Variants in KDM5A observed in about 807,000 individuals in gnomAD.
The protein encoded by KDM5A is lysine-specific demethylase 5A.
KDM5A carries 42 observed loss-of-function variants against 193.5 expected under a neutral mutation model. The ratio of observed to expected loss-of-function variants is 0.22; its 90% confidence interval spans 0.17 to 0.28. The LOEUF is 0.28. Among genes scored for constraint, KDM5A ranks in the 10% least tolerant of loss-of-function variants. The probability of loss-of-function intolerance (pLI) is 1.00; values close to 1 mark genes in which losing one functional copy is unlikely to be tolerated. For synonymous variants in KDM5A, 796 were observed against 718.1 expected (o/e 1.11, Z -1.73); for missense variants, 1,692 against 2,055.1 (o/e 0.82, Z 3.42).
chr12:333,421 A>C, intron 12 of KDM5A, 66 bp downstream of exon 12: 1 of 1,588,902 alleles, frequency 6.3e-7, no homozygotes, highest in African/African-American at 1.3e-5. Flanking sequence ...CCTGTTTCAA[A>C]AAAAAAGAAA....
chr12:369,876 A>G (rs145647202), intron 3 of KDM5A, among the ~76,000 whole-genome samples: 245 of 152,292 alleles, frequency 1.6e-3, no homozygotes, highest in African/African-American at 5.8e-3. Flanking sequence ...ATTAGTTATG[A>G]TACACCTGCA....
At chr12:304,021 C>G (rs1943475222) in intron 24 of KDM5A, among the ~76,000 whole-genome samples, 1 of 152,152 alleles carries the variant, frequency 6.6e-6, no homozygotes, top group Admixed American at 6.5e-5. Flanking sequence ...TGGTACTGCC[C>G]ATTAATCTCA....
chr12:334,169 CA>C, intron 11 of KDM5A, 71 bp downstream of exon 11: 1 of 1,374,888 alleles, frequency 7.3e-7, no homozygotes, highest in Non-Finnish European at 1.0e-6. Flanking sequence ...CCTTAAAGAT[CA>C]AAAACCTAGC....
chr12:388,922 G>C lies in KDM5A; in HGVS notation c.165+5C>G, dbSNP rs117819701. The C allele has an allele frequency of 1.9e-5, 31 of 1,614,074 alleles. No homozygotes were observed. The highest frequency in any genetic ancestry group is 2.7e-5 in the African/African-American group (2 of 74,926). On this transcript the variant is annotated splice_donor_5th_base_variant and intron_variant, in intron 1 of 27. Transcript: ENST00000399788. ...CTCCCCCTCTCTCTTCACAGACTGAGGTACCTTGGGCGGCCGAATTTTGCA... is the reference window on the plus strand; with the variant it reads ...CTCCCCCTCTCTCTTCACAGACTGACGTACCTTGGGCGGCCGAATTTTGCA...
At chr12:335,656 T>C (rs989650288) in intron 10 of KDM5A, among the ~76,000 whole-genome samples, 4 of 152,126 alleles carry the variant, frequency 2.6e-5, no homozygotes, top group African/African-American at 9.7e-5. Flanking sequence ...ATGACAAAGC[T>C]AAAGAGAATT....
intron 2 of KDM5A, among the ~76,000 whole-genome samples, chr12:385,138 G>A (rs182747164): frequency 2.7e-5 from 4 of 146,288 alleles, no homozygotes; most frequent in East Asian, 2.0e-4. Context: ...AGCCGAGATC[G>A]CACCACTGCA....
chr12:375,636 C>T (rs979303358), intron 3 of KDM5A, among the ~76,000 whole-genome samples: 18 of 152,142 alleles, frequency 1.2e-4, no homozygotes, highest in African/African-American at 2.4e-4. Flanking sequence ...GTTCCTTTGG[C>T]GGGGGAGAGG....
In KDM5A at chr12:285,421, A is replaced by G. The variant is rs1225553109; in HGVS notation, c.*35T>C. On this transcript the variant is annotated 3_prime_UTR_variant, in exon 28 of 28. Coordinates refer to ENST00000399788, the MANE Select transcript of KDM5A (RefSeq NM_001042603.3). The stretch of plus-strand genomic sequence containing the variant: ...GATGACTAAGGTCTCAATGTGGTCC[A>G]TGTCCCCCCATGTCCCAAACTAACC... 4 of 1,569,482 alleles carry G rather than the reference A, an allele frequency of 2.5e-6. No homozygotes were observed. The highest frequency in any genetic ancestry group is 8.8e-7 in the Non-Finnish European group (1 of 1,139,580).
intron 27 of KDM5A, among the ~76,000 whole-genome samples, chr12:285,910 G>A (rs1452658406): frequency 2.0e-5 from 3 of 152,122 alleles, no homozygotes; most frequent in Non-Finnish European, 4.4e-5. Flanking sequence ...GAATACCTGG[G>A]GCTCCTTGTG....
intron 10 of KDM5A, among the ~76,000 whole-genome samples, chr12:344,948 C>T (rs1944051399): frequency 6.6e-6 from 1 of 151,998 alleles, no homozygotes; most frequent in African/African-American, 2.4e-5. Flanking sequence ...GGCTAAATGC[C>T]CCAATTAAAA....
chr12:299,977 G>T (rs561616470), intron 24 of KDM5A, among the ~76,000 whole-genome samples: 46 of 148,308 alleles, frequency 3.1e-4, no homozygotes, highest in African/African-American at 1.1e-3. Flanking sequence ...AATGCAACAA[G>T]AAGAGCTAAC....
intron 24 of KDM5A, among the ~76,000 whole-genome samples, chr12:301,017 G>A (rs1341665454): frequency 2.0e-5 from 3 of 152,080 alleles, no homozygotes; most frequent in African/African-American, 7.2e-5. Flanking sequence ...ATCAAGTTCT[G>A]AAACTGAGGC....
chr12:332,878 TAAC>T lies in KDM5A; in HGVS notation c.1653+606_1653+608del, dbSNP rs541751592. Reference sequence around the variant, plus strand: ...TACCTGTGCTTTGGTTAAATAGAGATAACAAAGAATATGAGATTTTTGTTCAAA... The same window carrying T: ...TACCTGTGCTTTGGTTAAATAGAGATAAAGAATATGAGATTTTTGTTCAAA... On this transcript the variant is annotated intron_variant, in intron 12 of 27. Coordinates refer to ENST00000399788, the MANE Select transcript of KDM5A (RefSeq NM_001042603.3). Among the ~76,000 whole-genome samples, 9 of 152,170 alleles carry T rather than the reference TAAC, an allele frequency of 5.9e-5. No individual in the cohort carries two copies. The South Asian group carries it at 1.5e-3, about 25-fold the overall frequency.
chr12:368,177 A>G (rs577442337), intron 3 of KDM5A, among the ~76,000 whole-genome samples: 2 of 152,372 alleles, frequency 1.3e-5, no homozygotes, highest in African/African-American at 4.8e-5. Flanking sequence ...TGACTACTGC[A>G]TAATTCCATT....
At chr12:314,785 G>A (rs1943630450) in intron 19 of KDM5A, among the ~76,000 whole-genome samples, 1 of 152,100 alleles carries the variant, frequency 6.6e-6, no homozygotes, top group African/African-American at 2.4e-5. Flanking sequence ...AAATAAACAT[G>A]CACAAAGATG....
In KDM5A at chr12:318,103, C is replaced by T. The variant is rs758397647; in HGVS notation, c.2897+3G>A. 6.2e-7 allele frequency: 1 copy of T among 1,610,732 alleles called. No homozygotes were observed. Among genetic ancestry groups the T allele is most frequent in the East Asian group, 2.2e-5 (1 of 44,892 alleles). On this transcript the variant is annotated splice_donor_region_variant and intron_variant, in intron 19 of 27. Coordinates refer to ENST00000399788, the MANE Select transcript of KDM5A (RefSeq NM_001042603.3). Reference sequence around the variant, plus strand: ...GAGGCAACTGTCACCAAAATGTGTTCACCTTGCCTGTAGGCAGACCTTAGC... The same window carrying T: ...GAGGCAACTGTCACCAAAATGTGTTTACCTTGCCTGTAGGCAGACCTTAGC...
intron 9 of KDM5A, among the ~76,000 whole-genome samples, 194 bp from the exon 10 acceptor site, chr12:350,973 G>C (rs941560647): frequency 1.3e-5 from 2 of 152,140 alleles, no homozygotes; most frequent in Non-Finnish European, 2.9e-5. Flanking sequence ...CGGACGTTCA[G>C]AAAAACATAA....
chr12:385,051 A>G (rs1288697156), intron 2 of KDM5A, among the ~76,000 whole-genome samples: 11 of 151,984 alleles, frequency 7.2e-5, no homozygotes, highest in Non-Finnish European at 4.4e-5. Context: ...TTAGCTGGGC[A>G]TGGTCGCTGT....
intron 24 of KDM5A, among the ~76,000 whole-genome samples, chr12:297,923 A>G (rs1943393940): frequency 6.6e-6 from 1 of 152,202 alleles, no homozygotes; most frequent in Admixed American, 6.5e-5. Flanking sequence ...ATTCAAGACA[A>G]AAGAGAGTGT....
Sources: allele counts gnomAD v4.1 joint callset (sites outside exome capture counted in the v4.1 genomes callset), GRCh38; gene constraint gnomAD v4.1.1; transcripts MANE v1.5; gene names NCBI Gene and HGNC (gene_info 2026-07-23, HGNC 2026-07-21).